Variants in ZNF782 observed in about 807,000 individuals in gnomAD.
The protein encoded by ZNF782 is zinc finger protein 782.
In ZNF782, 12 loss-of-function variants were observed where a neutral mutation model predicts 13.0. That is an observed-to-expected ratio of 0.92 (90% CI 0.59 to 1.50). ZNF782 has a LOEUF of 1.50. Among genes scored for constraint, ZNF782 ranks in the 40% most tolerant of loss-of-function variants. The probability of loss-of-function intolerance (pLI) is 0.00; values close to 1 mark genes in which losing one functional copy is unlikely to be tolerated. For synonymous variants in ZNF782, 284 were observed against 283.0 expected (o/e 1.00, Z -0.04); for missense variants, 770 against 822.9 (o/e 0.94, Z 0.79).
In ZNF782 at chr9:96,818,875, C is replaced by G; in HGVS notation, c.1148G>C (p.Trp383Ser). The change falls in exon 6 of 6, where the codon TGG becomes TCG. Residue 383 changes from tryptophan to serine, a missense_variant. Physicochemically the swap from Trp to Ser is radical, Grantham distance 177 (BLOSUM62 -3). Transcript: ENST00000481138. The stretch of plus-strand genomic sequence containing the variant: ...CTCCCCTGTGTGACTTTTCTGAGGC[C>G]AAATCAAGTGTGAATTCATAGAGCA... ...KSCSMNSHLI[W>S]PQKSHTGEKP... The G allele has an allele frequency of 1.2e-6, 2 of 1,614,102 alleles. No homozygotes were observed. Among genetic ancestry groups the G allele is most frequent in the African/African-American group, 1.3e-5 (1 of 75,018 alleles).
At chr9:96,894,681 C>A in the ZNF782 span, 1 of 152,110 alleles carries the variant, frequency 6.6e-6, no homozygotes, top group Non-Finnish European at 1.5e-5. Flanking sequence ...CATCCTTGAA[C>A]AAGTGTCATT....
the ZNF782 span, among the ~76,000 whole-genome samples, chr9:96,920,740 C>G: frequency 4.7e-5 from 7 of 148,534 alleles, no homozygotes; most frequent in Admixed American, 4.7e-4. Flanking sequence ...ATGATGAAAC[C>G]CCATCTCTAC....
the ZNF782 span, among the ~76,000 whole-genome samples, chr9:96,886,922 G>GA: frequency 0.061 from 5,142 of 84,540 alleles, 237 homozygotes; most frequent in East Asian, 0.28. Context: ...ACTCCCTCTC[G>GA]AAAAAAAAAA....
the ZNF782 span, among the ~76,000 whole-genome samples, chr9:96,927,686 T>G: frequency 4.6e-5 from 7 of 152,142 alleles, no homozygotes; most frequent in Non-Finnish European, 1.0e-4. Context: ...AGATTTTTTT[T>G]GTAAAAGTGT....
At chr9:96,925,509 G>A in the ZNF782 span, among the ~76,000 whole-genome samples, 2 of 151,622 alleles carry the variant, frequency 1.3e-5, no homozygotes, top group African/African-American at 2.4e-5. Context: ...GTGGTGGCGC[G>A]CACTTGTAGT....
the ZNF782 span, among the ~76,000 whole-genome samples, chr9:96,922,866 C>T: frequency 4.0e-5 from 6 of 150,654 alleles, no homozygotes; most frequent in South Asian, 6.3e-4. Context: ...TACTGCTCAC[C>T]GGTAGCACAG....
chr9:96,921,865 C>T, the ZNF782 span, among the ~76,000 whole-genome samples: 2 of 150,792 alleles, frequency 1.3e-5, no homozygotes, highest in South Asian at 2.1e-4. Flanking sequence ...AGCTAATTTT[C>T]GTATTTTTAG....
At chr9:96,932,978 CTTTTT>C in the ZNF782 span, among the ~76,000 whole-genome samples, 3 of 129,430 alleles carry the variant, frequency 2.3e-5, no homozygotes, top group Admixed American at 1.5e-4. Flanking sequence ...CTTTTCTTTT[CTTTTT>C]TTTTTTTTTT....
At chr9:96,840,454 C>T (rs563704351) in intron 4 of ZNF782, among the ~76,000 whole-genome samples, 2 of 152,082 alleles carry the variant, frequency 1.3e-5, no homozygotes, top group East Asian at 1.9e-4. Context: ...GAACCCCTCC[C>T]CTCATGTATC....
chr9:96,892,514 G>C, the ZNF782 span: 19 of 152,202 alleles, frequency 1.2e-4, 1 homozygote, highest in African/African-American at 4.3e-4. Flanking sequence ...TCACGCCTTT[G>C]CTGTGTGATG....
upstream of ZNF782, among the ~76,000 whole-genome samples, chr9:96,877,996 A>G (rs910587531): frequency 6.6e-6 from 1 of 152,226 alleles, no homozygotes; most frequent in Admixed American, 6.5e-5. Context: ...CTTTGTAGTA[A>G]GCTTGGCAAC....
At chr9:96,888,607 G>T in the ZNF782 span, 1 of 152,216 alleles carries the variant, frequency 6.6e-6, no homozygotes, top group Non-Finnish European at 1.5e-5. Flanking sequence ...GGCAGACCTT[G>T]ATTGGGCAGG....
At chr9:96,887,281 A>AAAAGAAAGAAAG in the ZNF782 span, 1 of 122,488 alleles carries the variant, frequency 8.2e-6, no homozygotes, top group African/African-American at 3.1e-5. Flanking sequence ...TCCATTGCAA[A>AAAAGAAAGAAAG]AAAGAAAGGA....
chr9:96,912,119 T>G, the ZNF782 span, among the ~76,000 whole-genome samples: 1 of 142,802 alleles, frequency 7.0e-6, no homozygotes, highest in Non-Finnish European at 1.5e-5. Flanking sequence ...GAGAATCGCT[T>G]CAACCCGGGA....
intron 5 of ZNF782, among the ~76,000 whole-genome samples, chr9:96,823,021 A>T (rs1046648729): frequency 1.3e-5 from 2 of 152,184 alleles, no homozygotes; most frequent in African/African-American, 4.8e-5. Flanking sequence ...TTCTGTTTCC[A>T]GAGCAGAGTT....
Position 96,819,348 on chromosome 9 carries a change from A to C in ZNF782, c.675T>G (p.Leu225=). The change falls in exon 6 of 6, where the codon CTT becomes CTG. Residue 225 remains leucine (L), a synonymous_variant. Transcript: ENST00000481138. ...TAGATGTAACAAGGGCAGCCTTTTC[A>C]AGAAAAGCTTTTCTACTTTCATTAT... ...FEYNESRKAF[L]EKAALVTSNS... is the part of the protein sequence containing the mutation. 1 of 1,600,454 alleles carries C rather than the reference A, an allele frequency of 6.2e-7. No homozygotes were observed. The highest frequency in any genetic ancestry group is 8.5e-7 in the Non-Finnish European group (1 of 1,175,300).
the ZNF782 span, among the ~76,000 whole-genome samples, chr9:96,913,011 TG>T: frequency 6.6e-6 from 1 of 151,800 alleles, no homozygotes; most frequent in African/African-American, 2.4e-5. Context: ...TCAAGGTTAT[TG>T]GTATTTAAAA....
chr9:96,864,247 A>T (rs943006961), intron 1 of ZNF782, among the ~76,000 whole-genome samples: 2 of 151,702 alleles, frequency 1.3e-5, no homozygotes, highest in Non-Finnish European at 2.9e-5. Context: ...GAGAAGATAT[A>T]TCTGTAGGCA....
the ZNF782 span, chr9:96,887,482 TAAAAAACAAAA>T: frequency 6.6e-6 from 1 of 152,068 alleles, no homozygotes; most frequent in African/African-American, 2.4e-5. Flanking sequence ...CAGAGTGGAC[TAAAAAACAAAA>T]AACCAAACAT....
Sources: allele counts gnomAD v4.1 joint callset (sites outside exome capture counted in the v4.1 genomes callset), GRCh38; gene constraint gnomAD v4.1.1; transcripts MANE v1.5; gene names NCBI Gene and HGNC (gene_info 2026-07-23, HGNC 2026-07-21).